The following TTC7B variants were observed in gnomAD, a reference collection of about 807,000 sequenced individuals.
TTC7B encodes tetratricopeptide repeat protein 7B.
Under a neutral mutation model 106.8 loss-of-function variants are expected in TTC7B, and 28 were observed. The observed-to-expected ratio is 0.26, with a 90% CI of 0.19 to 0.36. The LOEUF (loss-of-function observed/expected upper bound fraction) is 0.36, where lower values mean the gene tolerates loss of function less well. Among genes scored for constraint, TTC7B ranks in the 10% least tolerant of loss-of-function variants. TTC7B has a pLI of 1.00. For synonymous variants in TTC7B, 405 were observed against 430.6 expected (o/e 0.94, Z 0.74); for missense variants, 862 against 1,076.4 (o/e 0.80, Z 2.79).
intron 5 of TTC7B, among the ~76,000 whole-genome samples, chr14:90,728,328 T>TC (rs1214129259): frequency 9.0e-5 from 4 of 44,328 alleles, no homozygotes; most frequent in East Asian, 8.2e-4. Flanking sequence ...CAAGACCTCG[T>TC]CCCCCCCGCA....
At chr14:90,684,614 G>A (rs1383983207) in intron 7 of TTC7B, among the ~76,000 whole-genome samples, 1 of 152,118 alleles carries the variant, frequency 6.6e-6, no homozygotes, top group Non-Finnish European at 1.5e-5. Flanking sequence ...GACAAAAGAA[G>A]TTAAACATTA....
chr14:90,715,763 C>T (rs1425297880), intron 5 of TTC7B, among the ~76,000 whole-genome samples: 1 of 152,162 alleles, frequency 6.6e-6, no homozygotes, highest in African/African-American at 2.4e-5. Flanking sequence ...AGATTCAGCA[C>T]TCAACCATGA....
intron 8 of TTC7B, among the ~76,000 whole-genome samples, chr14:90,679,065 C>T (rs117501155): frequency 1.3e-5 from 2 of 152,302 alleles, no homozygotes; most frequent in East Asian, 1.9e-4. Context: ...CACTTGAATG[C>T]CACCTAGTGC....
chr14:90,641,723 T>A (rs536760356), intron 15 of TTC7B, among the ~76,000 whole-genome samples: 1 of 152,308 alleles, frequency 6.6e-6, no homozygotes, highest in East Asian at 1.9e-4. Flanking sequence ...TCCTCAAATA[T>A]CTCCACTGCT....
chr14:90,777,358 C>T (rs1011601385), intron 3 of TTC7B, among the ~76,000 whole-genome samples: 12 of 152,212 alleles, frequency 7.9e-5, no homozygotes, highest in Admixed American at 7.9e-4. Context: ...ATAACCTCAC[C>T]TCCTCTCATT....
intron 5 of TTC7B, among the ~76,000 whole-genome samples, chr14:90,696,237 G>A (rs1887741673): frequency 6.6e-6 from 1 of 151,982 alleles, no homozygotes; most frequent in Admixed American, 6.6e-5. Flanking sequence ...CACCCCACAG[G>A]GACACATTTG....
At chr14:90,569,062 G>C (rs1890916726) in intron 19 of TTC7B, among the ~76,000 whole-genome samples, 1 of 152,120 alleles carries the variant, frequency 6.6e-6, no homozygotes, top group Admixed American at 6.5e-5. Flanking sequence ...TCTTTAATTG[G>C]TTATTGCCAT....
At chr14:90,776,371 G>T (rs1446856921) in intron 3 of TTC7B, among the ~76,000 whole-genome samples, 1 of 152,146 alleles carries the variant, frequency 6.6e-6, no homozygotes, top group Non-Finnish European at 1.5e-5. Flanking sequence ...GCACTAAGGG[G>T]CAAAATGGCG....
intron 1 of TTC7B, among the ~76,000 whole-genome samples, chr14:90,809,385 G>C (rs1181856606): frequency 6.6e-6 from 1 of 152,226 alleles, no homozygotes; most frequent in Non-Finnish European, 1.5e-5. Flanking sequence ...GTATCTACTG[G>C]GGCCAGGGCC....
At chr14:90,812,289 T>G (rs142494967) in intron 1 of TTC7B, among the ~76,000 whole-genome samples, 1 of 152,104 alleles carries the variant, frequency 6.6e-6, no homozygotes, top group South Asian at 2.1e-4. Context: ...GACCTCATCA[T>G]TGGGAGGCTG....
chr14:90,751,759 T>G (rs142527359), intron 3 of TTC7B, among the ~76,000 whole-genome samples: 1 of 152,196 alleles, frequency 6.6e-6, no homozygotes, highest in African/African-American at 2.4e-5. Flanking sequence ...AAATTAATGA[T>G]GATAAAATTA....
intron 9 of TTC7B, among the ~76,000 whole-genome samples, chr14:90,672,542 C>A (rs969036160): frequency 6.6e-6 from 1 of 152,182 alleles, no homozygotes; most frequent in African/African-American, 2.4e-5. Context: ...CTCTCTCCTC[C>A]TAGACCACTT....
chr14:90,582,629 C>T (rs1276473478), intron 18 of TTC7B, among the ~76,000 whole-genome samples: 3 of 152,244 alleles, frequency 2.0e-5, no homozygotes, highest in African/African-American at 7.2e-5. Context: ...CAAGCCTAAG[C>T]TCTCTTGGAG....
chr14:90,689,531 C>A lies in TTC7B; in HGVS notation c.950+9G>T. The A allele has an allele frequency of 6.2e-7, 1 of 1,611,878 alleles. No homozygotes were observed. On this transcript the variant is annotated intron_variant, in intron 7 of 19. Coordinates refer to ENST00000328459, the MANE Select transcript of TTC7B (RefSeq NM_001010854.2). The stretch of plus-strand genomic sequence containing the variant: ...CATAACCTACAAGTGAGGACATCAA[C>A]TTTCATACTTCTCTCCTGAGTAGAC...
At chr14:90,543,756 T>C (rs1310969422) in intron 19 of TTC7B, among the ~76,000 whole-genome samples, 1 of 152,230 alleles carries the variant, frequency 6.6e-6, no homozygotes, top group Non-Finnish European at 1.5e-5. Context: ...CTCTGCTCTT[T>C]CAAATCTCAT....
At position 90,624,657 on chromosome 14, in the gene TTC7B, GAAATACTAAAGT is replaced by G. The variant is rs1478097865; in HGVS notation, c.1752-6624_1752-6613del. Among the ~76,000 whole-genome samples the G allele has an allele frequency of 6.6e-6, 1 of 152,234 alleles. No homozygotes were observed. Among genetic ancestry groups the G allele is most frequent in the Non-Finnish European group, 1.5e-5 (1 of 68,040 alleles). On this transcript the variant is annotated intron_variant, in intron 15 of 19. Transcript: ENST00000328459. The surrounding 1 kb of genome is among the most constrained non-coding windows in gnomAD (Gnocchi z 4.0). ...TGAAAATAAGTTAGAGAAGTTCAGA[GAAATACTAAAGT>G]AATAATTCCCTCCCATCTTCTGTGT...
At chr14:90,699,173 T>C (rs750992446) in intron 5 of TTC7B, 4 of 456,064 alleles carry the variant, frequency 8.8e-6, no homozygotes, top group Non-Finnish European at 1.8e-5. Flanking sequence ...TTCGTCCTGT[T>C]CTATGACTCT....
Position 90,573,534 on chromosome 14 carries a change from A to G in TTC7B, c.2310+4572T>C, listed in dbSNP as rs558673333. Among the ~76,000 whole-genome samples the G allele has an allele frequency of 7.4e-5, 6 of 81,162 alleles. 1 individual carries two copies. Among genetic ancestry groups the G allele is most frequent in the Middle Eastern group, 0.016 (2 of 124 alleles). The allele number at this position is 81,162 out of a possible 152,430, so 53.2% of individuals were successfully genotyped here. On this transcript the variant is annotated intron_variant, in intron 19 of 19. Coordinates refer to ENST00000328459, the MANE Select transcript of TTC7B (RefSeq NM_001010854.2). ...CCCTCTCCGGCTCACGGTCTCTCTC[A>G]GCTCACGGTCCCTCTCCGGCTCACG...
chr14:90,772,106 A>G (rs138063968), intron 3 of TTC7B, among the ~76,000 whole-genome samples: 100 of 151,886 alleles, frequency 6.6e-4, no homozygotes, highest in African/African-American at 2.2e-3. Flanking sequence ...AAGGGATTGC[A>G]TTCAGTGTTG....
Sources: gnomAD v4.1 joint callset for allele counts (sites outside exome capture counted in the v4.1 genomes callset) on GRCh38, gnomAD v4.1.1 for gene constraint, Gnocchi (gnomAD v3.1) non-coding constraint, MANE v1.5 for transcripts, NCBI Gene and HGNC (gene_info 2026-07-23, HGNC 2026-07-21) for gene names.